Variants in DLGAP1 observed in about 807,000 individuals in gnomAD.
DLGAP1 encodes the protein DLG associated protein 1, also known as disks large-associated protein 1.
A neutral mutation model predicts 90.8 loss-of-function variants in DLGAP1; 11 were observed. That is an observed-to-expected ratio of 0.12 (90% confidence interval 0.08 to 0.20). The LOEUF is 0.20. Ranked by LOEUF, DLGAP1 falls within the 10% of genes least tolerant of loss-of-function variation. DLGAP1 has a pLI of 1.00. For missense variants in DLGAP1, 1,050 were observed against 1,333.8 expected, an observed-to-expected ratio of 0.79 and a Z score of 3.31; for synonymous variants, 558 against 540.7, an observed-to-expected ratio of 1.03 and a Z score of -0.44.
chr18:4,017,926 A>G (rs774811570), intron 2 of DLGAP1, among the ~76,000 whole-genome samples: 2 of 152,072 alleles, frequency 1.3e-5, no homozygotes, highest in Non-Finnish European at 2.9e-5. Context: ...GGACCAGTTA[A>G]TGATTCAGTT....
intron 2 of DLGAP1, among the ~76,000 whole-genome samples, chr18:4,036,416 T>C (rs2074889948): frequency 2.0e-5 from 3 of 152,186 alleles, no homozygotes; most frequent in Admixed American, 2.0e-4. Context: ...TTAGAAAAGA[T>C]TTTTTAACCT....
chr18:4,445,995 T>G (rs2083655554), intron 1 of DLGAP1, among the ~76,000 whole-genome samples: 1 of 151,956 alleles, frequency 6.6e-6, no homozygotes, highest in Admixed American at 6.6e-5. Flanking sequence ...TGTCCTAGTC[T>G]CTAGGAGCAG....
rs147011384 is a variant in DLGAP1, at chr18:3,749,897, C to T, written c.1173-7385G>A. Among the ~76,000 whole-genome samples, 633 of 152,252 alleles carry T rather than the reference C, an allele frequency of 4.2e-3. 7 individuals carry two copies. Among genetic ancestry groups the T allele is most frequent in the African/African-American group, 0.014 (573 of 41,554 alleles). On this transcript the variant is annotated intron_variant, in intron 5 of 12. Coordinates refer to ENST00000315677, the MANE Select transcript of DLGAP1 (RefSeq NM_004746.4). ...TCTCTTTTTCTTAACTGTCCAAATCCAGCTGATAATCATATTTTCTTGTTT... is the reference window on the plus strand; with the variant it reads ...TCTCTTTTTCTTAACTGTCCAAATCTAGCTGATAATCATATTTTCTTGTTT...
chr18:4,437,295 T>A (rs1191972420), intron 1 of DLGAP1, among the ~76,000 whole-genome samples: 1 of 152,182 alleles, frequency 6.6e-6, no homozygotes, highest in Non-Finnish European at 1.5e-5. Flanking sequence ...TTTTTATCTT[T>A]TTTGCATTTT....
chr18:3,761,638 T>C (rs146680918), intron 5 of DLGAP1, among the ~76,000 whole-genome samples: 1,934 of 151,848 alleles, frequency 0.013, 51 homozygotes, highest in African/African-American at 0.044. Flanking sequence ...TGCAGTGGCG[T>C]GATCTAGGCT....
chr18:3,795,130 A>ATATAT (rs2065925120), intron 5 of DLGAP1, among the ~76,000 whole-genome samples: 1 of 152,224 alleles, frequency 6.6e-6, no homozygotes, highest in Non-Finnish European at 1.5e-5. Context: ...AACTCATTCT[A>ATATAT]GCCAGGATCC....
At chr18:4,327,688 G>A (rs1380161002) in intron 1 of DLGAP1, among the ~76,000 whole-genome samples, 1 of 151,998 alleles carries the variant, frequency 6.6e-6, no homozygotes, top group African/African-American at 2.4e-5. Flanking sequence ...TTTATACTCA[G>A]AATATAGAAT....
In DLGAP1 at chr18:3,499,215, G is replaced by T. The variant is rs1467142171; in HGVS notation, c.2904C>A (p.Ile968=). Residue 968 remains isoleucine (I), a synonymous_variant, in exon 13 of 13, where the codon ATC becomes ATA. Transcript: ENST00000315677. This position sits in a 1 kb window ranked among gnomAD's most constrained non-coding sequence, Gnocchi z 6.4. ...SATESAESIE[I]YIPEAQTRL ...GCCGGGTCTGCGCCTCGGGGATGTAGATCTCGATGCTCTCGGCGCTCTCGG... is the reference window on the plus strand; with the variant it reads ...GCCGGGTCTGCGCCTCGGGGATGTATATCTCGATGCTCTCGGCGCTCTCGG... 6.3e-7 allele frequency: 1 copy of T among 1,597,726 alleles called. No individual in the cohort carries two copies. The highest frequency in any genetic ancestry group is 1.1e-5 in the South Asian group (1 of 89,816).
chr18:3,934,844 C>T (rs557918292), intron 3 of DLGAP1, among the ~76,000 whole-genome samples: 17 of 152,300 alleles, frequency 1.1e-4, no homozygotes, highest in Middle Eastern at 6.8e-3. Flanking sequence ...ACAAGTCTGG[C>T]TGGAGTGAGA....
At chr18:4,396,919 T>C (rs1021377499) in intron 1 of DLGAP1, among the ~76,000 whole-genome samples, 1 of 152,114 alleles carries the variant, frequency 6.6e-6, no homozygotes, top group Non-Finnish European at 1.5e-5. Context: ...ATTTGTACAA[T>C]AAAATCACAG....
intron 5 of DLGAP1, among the ~76,000 whole-genome samples, chr18:3,764,263 C>T (rs2064112233): frequency 6.6e-6 from 1 of 152,090 alleles, no homozygotes; most frequent in Non-Finnish European, 1.5e-5. Context: ...CATCCTGTAC[C>T]CTCCCATAAG....
intron 6 of DLGAP1, among the ~76,000 whole-genome samples, chr18:3,735,083 G>C (rs2062584765): frequency 6.6e-6 from 1 of 152,184 alleles, no homozygotes; most frequent in African/African-American, 2.4e-5. Context: ...GGATGAAGAA[G>C]AATTTTAGTG....
intron 4 of DLGAP1, chr18:3,822,104 C>A: frequency 3.3e-6 from 2 of 612,138 alleles, no homozygotes; most frequent in Non-Finnish European, 4.1e-6. Context: ...TGTTGCTTCC[C>A]AATCAGGAGA....
chr18:4,094,354 C>T (rs1444041784), intron 2 of DLGAP1, among the ~76,000 whole-genome samples: 1 of 151,890 alleles, frequency 6.6e-6, no homozygotes, highest in East Asian at 1.9e-4. Flanking sequence ...ATTGAAAATG[C>T]CTTTATGGTA....
intron 1 of DLGAP1, among the ~76,000 whole-genome samples, chr18:4,408,341 T>TA (rs1218185366): frequency 1.3e-5 from 2 of 152,092 alleles, no homozygotes; most frequent in African/African-American, 4.8e-5. Context: ...AGCACAGAAC[T>TA]AAAATAGTAG....
chr18:4,305,305 C>T (rs887928913), intron 1 of DLGAP1, among the ~76,000 whole-genome samples: 3 of 151,792 alleles, frequency 2.0e-5, no homozygotes, highest in Non-Finnish European at 2.9e-5. Context: ...GAGGCGGAGG[C>T]GGGTGGATCA....
chr18:3,797,127 A>G (rs1207087889), intron 5 of DLGAP1, among the ~76,000 whole-genome samples: 1 of 152,108 alleles, frequency 6.6e-6, no homozygotes, highest in Non-Finnish European at 1.5e-5. Context: ...AGGTCAGGAG[A>G]TCGAGACCAT....
intron 2 of DLGAP1, among the ~76,000 whole-genome samples, chr18:4,054,406 A>C (rs1196228977): frequency 1.3e-5 from 2 of 152,210 alleles, no homozygotes; most frequent in Non-Finnish European, 2.9e-5. Context: ...TTCCAAGTTG[A>C]AAAGAATCAT....
At chr18:3,765,204 TGCA>T (rs201966555) in intron 5 of DLGAP1, among the ~76,000 whole-genome samples, 30,974 of 144,364 alleles carry the variant, frequency 0.21, 4,068 homozygotes, top group East Asian at 0.54. Context: ...CTCGGCTCAT[TGCA>T]GCAAGCTTTG....
Sources: gnomAD v4.1 joint callset for allele counts (sites outside exome capture counted in the v4.1 genomes callset) on GRCh38, gnomAD v4.1.1 for gene constraint, Gnocchi (gnomAD v3.1) non-coding constraint, MANE v1.5 for transcripts, NCBI Gene and HGNC (gene_info 2026-07-23, HGNC 2026-07-21) for gene names.